Variants in TMEM200C observed in about 807,000 individuals in gnomAD.
TMEM200C encodes transmembrane protein 200C.
For missense variants in TMEM200C, 966 were observed against 699.9 expected, an observed-to-expected ratio of 1.38 and a Z score of -4.29; for synonymous variants, 462 against 324.7, an observed-to-expected ratio of 1.42 and a Z score of -4.55.
At chr18:5,883,591 A>G (rs1441215087) in exon 3 of TMEM200C, 2 of 152,176 alleles carry the variant, frequency 1.3e-5, no homozygotes, top group East Asian at 3.8e-4. Flanking sequence ...AAAAAAACGG[A>G]TGTTTATTAT....
intron 2 of TMEM200C, among the ~76,000 whole-genome samples, chr18:5,892,690 T>TA (rs2095172462): frequency 6.6e-6 from 1 of 152,236 alleles, no homozygotes; most frequent in African/African-American, 2.4e-5. Context: ...AAGTTACTAC[T>TA]GTATAAAGAC....
Position 5,891,766 on chromosome 18 carries a change from T to C in TMEM200C, c.298A>G (p.Thr100Ala), listed in dbSNP as rs757747028. Residue 100 changes from threonine (T) to alanine (A), a missense_variant, in exon 3 of 3, where the codon ACC becomes GCC. By Grantham distance (58) the Thr-to-Ala change is moderately conservative. Transcript: ENST00000581347. This position sits in a 1 kb window ranked among gnomAD's most constrained non-coding sequence, Gnocchi z 4.7. ...CCACTGCTACTGCTGTTGGCCGTGG[T>C]TGGGACCCGGTGGCTGCTGCCCGCA... 4 of 1,610,016 alleles carry C rather than the reference T, an allele frequency of 2.5e-6. No homozygotes were observed. The highest frequency in any genetic ancestry group is 3.4e-6 in the Non-Finnish European group (4 of 1,179,450).
intron 2 of TMEM200C, among the ~76,000 whole-genome samples, chr18:5,893,774 C>T (rs1293751656): frequency 6.6e-6 from 1 of 152,040 alleles, no homozygotes; most frequent in Non-Finnish European, 1.5e-5. Flanking sequence ...CAGCTCTTTG[C>T]AATATTTGCA....
At chr18:5,884,065 T>G (rs142203846) in exon 3 of TMEM200C, 6 of 152,134 alleles carry the variant, frequency 3.9e-5, no homozygotes, top group Non-Finnish European at 8.8e-5. Context: ...TAGGTATATA[T>G]ATTTTGAGCA....
chr18:5,891,681 G>A lies in TMEM200C; in HGVS notation c.383C>T (p.Ala128Val). 1 of 1,613,682 alleles carries A rather than the reference G, an allele frequency of 6.2e-7. No individual in the cohort carries two copies. The highest frequency in any genetic ancestry group is 1.3e-5 in the African/African-American group (1 of 75,016). Residue 128 changes from alanine to valine, a missense_variant, in exon 3 of 3, where the codon GCG becomes GTG. Physicochemically the swap from Ala to Val is moderately conservative, Grantham distance 64 (BLOSUM62 0). Transcript: ENST00000581347. This position sits in a 1 kb window ranked among gnomAD's most constrained non-coding sequence, Gnocchi z 4.7. ...TGGAGGCGTGCTCCTGGGCGCGCCC[G>A]CGGAACTGGAGTTGACACCCCCTGG...
Position 5,891,896 on chromosome 18 carries a change from G to A in TMEM200C, c.168C>T (p.Ala56=), listed in dbSNP as rs556989492. The A allele has an allele frequency of 1.3e-4, 211 of 1,613,046 alleles. No homozygotes were observed. In the South Asian group the frequency reaches 2.2e-3, roughly 17 times the overall value. The change falls in exon 3 of 3, where the codon GCC becomes GCT. Residue 56 remains alanine (A), a synonymous_variant. Coordinates refer to ENST00000581347, the Ensembl canonical transcript of TMEM200C. This position sits in a 1 kb window ranked among gnomAD's most constrained non-coding sequence, Gnocchi z 4.7. ...CCAGCAGCACCAGGATCCCACAGAG[G>A]GCGATGAGCCCTGAGATGGAGCACA...
chr18:5,891,341 G>A lies in TMEM200C; in HGVS notation c.723C>T (p.Pro241=). The change falls in exon 3 of 3, where the codon CCC becomes CCT. Residue 241 remains proline (P), a synonymous_variant. Transcript: ENST00000581347. This position sits in a 1 kb window ranked among gnomAD's most constrained non-coding sequence, Gnocchi z 4.7. ...AGCCGTTGAGCGGTATGGCCCCGGG[G>A]GGCGCCGCGGCGGGGGCAGACGACG... is the stretch of plus-strand genomic sequence containing the variant. The A allele has an allele frequency of 7.5e-7, 1 of 1,332,946 alleles. No individual in the cohort carries two copies. The allele number at this position is 1,332,946 out of a possible 1,614,324, so 82.6% of individuals were successfully genotyped here. A position where few individuals can be genotyped will look rare whatever the true frequency, so the allele number is the denominator to read the frequency against.
At chr18:5,886,159 C>T (rs1221813810) in exon 3 of TMEM200C, 1 of 151,914 alleles carries the variant, frequency 6.6e-6, no homozygotes, top group South Asian at 2.1e-4. Flanking sequence ...AAAATCAAAA[C>T]TGCATCTTAA....
rs1457306053 is a variant in TMEM200C at position 5,891,191 on chromosome 18, C to G, written c.873G>C (p.Pro291=). ...CGGCGCCCCGAGGGCGGCCGCCGCT[C>G]GGCGCCGCGGGGTGAGGAGGCCACG... The change falls in exon 3 of 3, where the codon CCG becomes CCC. Residue 291 remains proline (P), a synonymous_variant. Transcript: ENST00000581347. This position sits in a 1 kb window ranked among gnomAD's most constrained non-coding sequence, Gnocchi z 4.7. 1 of 918,744 alleles carries G rather than the reference C, an allele frequency of 1.1e-6. No homozygotes were observed. Among genetic ancestry groups the G allele is most frequent in the Non-Finnish European group, 1.4e-6 (1 of 698,886 alleles). The allele number at this position is 918,744 out of a possible 1,614,324, so 56.9% of individuals were successfully genotyped here. A position where few individuals can be genotyped will look rare whatever the true frequency, so the allele number is the denominator to read the frequency against.
At position 5,891,583 on chromosome 18, in the gene TMEM200C, G is replaced by A. The variant is rs1017657009; in HGVS notation, c.481C>T (p.His161Tyr). Residue 161 changes from histidine (H) to tyrosine (Y), a missense_variant, in exon 3 of 3, where the codon CAC becomes TAC. His to Tyr is a moderately conservative substitution (Grantham distance 83). Transcript: ENST00000581347. The surrounding 1 kb of genome is among the most constrained non-coding windows in gnomAD (Gnocchi z 4.7). ...CCGAAGACCTTGAGCTTGTCAGAGT[G>A]CAGGTAGCCAGAGAAGATGCGGAAG... The A allele has an allele frequency of 2.4e-5, 38 of 1,613,738 alleles. No homozygotes were observed. Among genetic ancestry groups the A allele is most frequent in the Non-Finnish European group, 3.2e-5 (38 of 1,179,866 alleles).
exon 3 of TMEM200C, chr18:5,887,262 G>T (rs1240147019): frequency 6.6e-6 from 1 of 152,054 alleles, no homozygotes; most frequent in Non-Finnish European, 1.5e-5. Context: ...AAGGTGGGGG[G>T]ATTCTATCAT....
chr18:5,892,256 C>A (rs2095172045), intron 2 of TMEM200C, 99 bp from the exon 2 acceptor site: 2 of 625,604 alleles, frequency 3.2e-6, no homozygotes, highest in Admixed American at 5.9e-5. Context: ...CGTGTGTGCC[C>A]CCCACCCCAG....
intron 1 of TMEM200C, chr18:5,895,723 C>T (rs2095175634): frequency 6.6e-6 from 1 of 150,440 alleles, no homozygotes; most frequent in African/African-American, 2.4e-5. Flanking sequence ...CGGAGGCAGC[C>T]GGCACGGGGC....
Position 5,891,373 on chromosome 18 carries a change from AGGCGGCGGCGGCCGCGGC to A in TMEM200C, c.673_690del (p.Ala225_Ala230del), listed in dbSNP as rs753663173. 3.4e-5 allele frequency: 45 copies of A among 1,340,784 alleles called. No homozygotes were observed. Among genetic ancestry groups the A allele is most frequent in the Admixed American group, 8.0e-5 (2 of 25,056 alleles). The allele number at this position is 1,340,784 out of a possible 1,614,324, so 83.1% of individuals were successfully genotyped here. A position where few individuals can be genotyped will look rare whatever the true frequency, so the allele number is the denominator to read the frequency against. ...GCGGCGGGGGCAGACGACGACGAAG[AGGCGGCGGCGGCCGCGGC>A]GGCGGCCGCGGCGGCCGCCAGGTCT... On this transcript the variant is annotated inframe_deletion, in exon 3 of 3. Coordinates refer to ENST00000581347, the Ensembl canonical transcript of TMEM200C. This position sits in a 1 kb window ranked among gnomAD's most constrained non-coding sequence, Gnocchi z 4.7.
At position 5,891,619 on chromosome 18, in the gene TMEM200C, C is replaced by G. The variant is rs775065617; in HGVS notation, c.445G>C (p.Val149Leu). ...GAGAAGATGCGGAAGAAGAAGCCCA[C>G]GGACGTGGAGGAGGAGGACGGGGAG... Residue 149 changes from valine (V) to leucine (L), a missense_variant, in exon 3 of 3, where the codon GTG becomes CTG. Physicochemically the swap from Val to Leu is conservative, Grantham distance 32. Transcript: ENST00000581347. This position sits in a 1 kb window ranked among gnomAD's most constrained non-coding sequence, Gnocchi z 4.7. The G allele has an allele frequency of 7.4e-6, 12 of 1,613,722 alleles. No individual in the cohort carries two copies. Among genetic ancestry groups the G allele is most frequent in the Admixed American group, 3.3e-5 (2 of 60,006 alleles).
At chr18:5,892,810 A>T (rs1002976801) in intron 2 of TMEM200C, among the ~76,000 whole-genome samples, 1 of 152,210 alleles carries the variant, frequency 6.6e-6, no homozygotes, top group East Asian at 1.9e-4. Context: ...AGCAGCAGAG[A>T]TATTGCAATA....
At chr18:5,894,588 G>C (rs1050004553) in intron 2 of TMEM200C, among the ~76,000 whole-genome samples, 8 of 152,228 alleles carry the variant, frequency 5.3e-5, no homozygotes, top group African/African-American at 1.9e-4. Context: ...GCTTCCAAGA[G>C]AGACATTCAA....
At position 5,891,392 on chromosome 18, in the gene TMEM200C, G is replaced by A; in HGVS notation, c.672C>T (p.Ala224=). The A allele has an allele frequency of 2.2e-6, 3 of 1,345,742 alleles. No homozygotes were observed. Among genetic ancestry groups the A allele is most frequent in the East Asian group, 3.1e-5 (1 of 32,692 alleles). The allele number at this position is 1,345,742 out of a possible 1,614,324, so 83.4% of individuals were successfully genotyped here. The stretch of plus-strand genomic sequence containing the variant: ...ACGAAGAGGCGGCGGCGGCCGCGGC[G>A]GCGGCCGCGGCGGCCGCCAGGTCTT... Residue 224 remains alanine (A), a synonymous_variant, in exon 3 of 3, where the codon GCC becomes GCT. Coordinates refer to ENST00000581347, the Ensembl canonical transcript of TMEM200C. This position sits in a 1 kb window ranked among gnomAD's most constrained non-coding sequence, Gnocchi z 4.7.
At chr18:5,890,733 C>T in exon 3 of TMEM200C, 1 of 567,382 alleles carries the variant, frequency 1.8e-6, no homozygotes, top group Non-Finnish European at 3.1e-6. Flanking sequence ...CGCTACCGCG[C>T]CCTCGGGCTC....
Sources: allele counts gnomAD v4.1 joint callset (sites outside exome capture counted in the v4.1 genomes callset), GRCh38; gene constraint gnomAD v4.1.1; non-coding constraint Gnocchi (gnomAD v3.1); transcripts MANE v1.5; gene names NCBI Gene and HGNC (gene_info 2026-07-23, HGNC 2026-07-21).